The following DSCAM variants were observed in gnomAD, a reference collection of about 807,000 sequenced individuals.
DSCAM encodes cell adhesion molecule DSCAM.
Under a neutral mutation model 217.7 loss-of-function variants are expected in DSCAM, and 47 were observed. The observed-to-expected ratio is 0.22, with a 90% confidence interval of 0.17 to 0.28. The LOEUF is 0.28. DSCAM is among the 10% of genes least tolerant of loss of function. The pLI, the probability that DSCAM is intolerant of heterozygous loss-of-function variation, is 1.00. For missense variants in DSCAM, 2,080 were observed against 2,618.3 expected, an observed-to-expected ratio of 0.79 and a Z score of 4.49; for synonymous variants, 1,056 against 1,015.3, an observed-to-expected ratio of 1.04 and a Z score of -0.76.
chr21:40,719,752 T>G (rs1474605633), intron 1 of DSCAM, among the ~76,000 whole-genome samples: 1 of 152,088 alleles, frequency 6.6e-6, no homozygotes, highest in Non-Finnish European at 1.5e-5. Context: ...AAAACTAATC[T>G]ATGATGTTGA....
Position 40,698,465 on chromosome 21 carries a change from T to C in DSCAM, c.362-5509A>G, listed in dbSNP as rs553582219. 5.9e-5 allele frequency among the ~76,000 whole-genome samples: 9 copies of C among 152,346 alleles called. No individual in the cohort carries two copies. The East Asian group carries it at 7.7e-4, about 13-fold the overall frequency. ...GATGTCCAGGAAGATTGTAACTCCA[T>C]AGTACTCAATCAATGAGGAACTGGG... On this transcript the variant is annotated intron_variant, in intron 2 of 32. Transcript: ENST00000400454.
intron 21 of DSCAM, among the ~76,000 whole-genome samples, chr21:40,090,266 AAAATAATG>A (rs1375969490): frequency 6.6e-6 from 1 of 152,120 alleles, no homozygotes; most frequent in Non-Finnish European, 1.5e-5. Flanking sequence ...GGCCTCATGA[AAAATAATG>A]AACCCAGAGC....
At chr21:40,649,885 G>GGAGAGA in intron 3 of DSCAM, among the ~76,000 whole-genome samples, 1 of 152,092 alleles carries the variant, frequency 6.6e-6, no homozygotes, top group South Asian at 2.1e-4. Context: ...AAGGAAACTT[G>GGAGAGA]GAGAGAGAGA....
At chr21:40,368,909 T>C (rs936649409) in intron 4 of DSCAM, among the ~76,000 whole-genome samples, 190 bp downstream of exon 4, 1 of 152,204 alleles carries the variant, frequency 6.6e-6, no homozygotes, top group African/African-American at 2.4e-5. Flanking sequence ...GTTTGACAAA[T>C]GTGAAATCTG....
intron 11 of DSCAM, among the ~76,000 whole-genome samples, chr21:40,222,535 C>T (rs975747916): frequency 3.3e-5 from 5 of 152,220 alleles, no homozygotes; most frequent in African/African-American, 1.2e-4. Context: ...AACTACACCT[C>T]TGTGCGAATT....
At chr21:40,242,753 C>T (rs1230411315) in intron 11 of DSCAM, among the ~76,000 whole-genome samples, 4 of 152,178 alleles carry the variant, frequency 2.6e-5, no homozygotes, top group African/African-American at 9.7e-5. Flanking sequence ...TAAGCAGATC[C>T]CCCTGCCCCC....
chr21:40,578,311 G>A (rs1239233305), intron 3 of DSCAM, among the ~76,000 whole-genome samples: 1 of 152,176 alleles, frequency 6.6e-6, no homozygotes, highest in Admixed American at 6.5e-5. Context: ...TCTGGGTAGG[G>A]TGGGGACTTG....
intron 3 of DSCAM, among the ~76,000 whole-genome samples, chr21:40,461,728 C>T (rs569873857): frequency 3.1e-4 from 47 of 152,262 alleles, no homozygotes; most frequent in African/African-American, 1.1e-3. Flanking sequence ...CCAAGGTAAT[C>T]ATGAGTTCTT....
At chr21:40,797,254 A>T (rs554024728) in intron 1 of DSCAM, among the ~76,000 whole-genome samples, 1 of 152,306 alleles carries the variant, frequency 6.6e-6, no homozygotes, top group East Asian at 1.9e-4. Flanking sequence ...TAAACATCAC[A>T]GCTTCCTAAA....
At chr21:40,097,974 G>A (rs201571570) in intron 20 of DSCAM, among the ~76,000 whole-genome samples, 475 of 35,218 alleles carry the variant, frequency 0.013, 101 homozygotes, top group African/African-American at 0.054. Flanking sequence ...AAGAAAGAAA[G>A]AAAGAAAGAA....
chr21:40,742,022 C>T (rs1490911237), intron 1 of DSCAM, among the ~76,000 whole-genome samples: 1 of 152,172 alleles, frequency 6.6e-6, no homozygotes, highest in East Asian at 1.9e-4. Flanking sequence ...CCACGTACAG[C>T]CACACAAGTT....
At chr21:40,165,309 T>G (rs1470466083) in intron 16 of DSCAM, among the ~76,000 whole-genome samples, 1 of 152,242 alleles carries the variant, frequency 6.6e-6, no homozygotes, top group African/African-American at 2.4e-5. Context: ...GAATCAGTGG[T>G]GTCCTTTAAA....
chr21:40,277,800 C>A (rs1601510952), intron 10 of DSCAM, among the ~76,000 whole-genome samples: 1 of 141,490 alleles, frequency 7.1e-6, no homozygotes, highest in Non-Finnish European at 1.5e-5. Context: ...ACCTGGGAGG[C>A]AGAGGATGCA....
intron 18 of DSCAM, among the ~76,000 whole-genome samples, chr21:40,135,225 C>T (rs1364937120): frequency 2.0e-5 from 3 of 152,166 alleles, no homozygotes; most frequent in African/African-American, 7.2e-5. Flanking sequence ...TGGGGAGTTC[C>T]TTGTTGAACA....
chr21:40,017,564 ATT>A lies in DSCAM; in HGVS notation c.5687-4180_5687-4179del, dbSNP rs5843994. The stretch of plus-strand genomic sequence containing the variant: ...ACCTAGACAATAAATGGGCCATAAC[ATT>A]TTTTTTTTTTTTGAGATGGAGTTTT... On this transcript the variant is annotated intron_variant, in intron 32 of 32. Coordinates refer to ENST00000400454, the MANE Select transcript of DSCAM (RefSeq NM_001389.5). Among the ~76,000 whole-genome samples, 636 of 146,456 alleles carry A rather than the reference ATT, an allele frequency of 4.3e-3. 3 individuals carry two copies. The highest frequency in any genetic ancestry group is 0.011 in the African/African-American group (444 of 39,758).
In DSCAM at chr21:40,018,998, G is replaced by A. The variant is rs565971589; in HGVS notation, c.5687-5612C>T. The stretch of plus-strand genomic sequence containing the variant: ...CAAAGTAGCCCTTTCAACTGTGTGC[G>A]TGCTGCAAATGAGTTCTCTCAATAA... On this transcript the variant is annotated intron_variant, in intron 32 of 32. Coordinates refer to ENST00000400454, the MANE Select transcript of DSCAM (RefSeq NM_001389.5). Among the ~76,000 whole-genome samples the A allele has an allele frequency of 6.8e-4, 104 of 152,308 alleles. 1 individual carries two copies. Among genetic ancestry groups the A allele is most frequent in the Admixed American group, 5.3e-3 (81 of 15,296 alleles).
At chr21:40,561,697 G>T (rs1259238671) in intron 3 of DSCAM, among the ~76,000 whole-genome samples, 1 of 151,934 alleles carries the variant, frequency 6.6e-6, no homozygotes, top group African/African-American at 2.4e-5. Flanking sequence ...TCAATCTTAG[G>T]TCTGAGCCCA....
intron 3 of DSCAM, among the ~76,000 whole-genome samples, chr21:40,620,154 AAGAAAGAAAG>A (rs2089472083): frequency 7.8e-6 from 1 of 128,208 alleles, no homozygotes; most frequent in East Asian, 2.3e-4. Context: ...AAAAAAGAAA[AAGAAAGAAAG>A]AGAGAGAGAA....
intron 5 of DSCAM, among the ~76,000 whole-genome samples, chr21:40,352,836 C>T (rs984516969): frequency 1.3e-5 from 2 of 152,134 alleles, no homozygotes; most frequent in African/African-American, 4.8e-5. Flanking sequence ...GCGATCACAT[C>T]CCTCCTTCCT....
Sources: allele counts gnomAD v4.1 joint callset (sites outside exome capture counted in the v4.1 genomes callset), GRCh38; gene constraint gnomAD v4.1.1; transcripts MANE v1.5; gene names NCBI Gene and HGNC (gene_info 2026-07-23, HGNC 2026-07-21).